RRM2: variants seen among roughly 807,000 people sequenced by gnomAD.
RRM2 encodes the protein ribonucleotide reductase regulatory subunit M2.
In RRM2, 6 loss-of-function variants were observed where a neutral mutation model predicts 45.9. The ratio of observed to expected loss-of-function variants is 0.13; its 90% CI spans 0.07 to 0.26. The LOEUF (loss-of-function observed/expected upper bound fraction) is 0.26. Among genes scored for constraint, RRM2 ranks in the 10% least tolerant of loss-of-function variants. The pLI is 1.00. For synonymous variants in RRM2, 177 were observed against 173.0 expected (o/e 1.02, Z -0.18); for missense variants, 343 against 489.5 (o/e 0.70, Z 2.82).
rs1410155677 is a variant in RRM2 at position 10,144,684 on chromosome 2, G to C, written n.482+2309G>C. Among the ~76,000 whole-genome samples the C allele has an allele frequency of 1.3e-5, 2 of 152,208 alleles. 1 individual carries two copies. Among genetic ancestry groups the C allele is most frequent in the African/African-American group, 4.8e-5 (2 of 41,454 alleles). On this transcript the variant is annotated intron_variant and non_coding_transcript_variant, in intron 3 of 3. Transcript: ENST00000381786. ...TCCTTTTGAACGGAAGGGCTCCGGA[G>C]ATATTTATATCTTTGCTTCTATAGA...
chr2:10,141,614 T>G (rs1176810072), exon 1 of RRM2: 3 of 550,506 alleles, frequency 5.4e-6, no homozygotes, highest in Non-Finnish European at 9.7e-6. Flanking sequence ...TGCATGTGCT[T>G]AAGGATTCCA....
At chr2:10,132,234 T>A (rs1202671441), downstream of RRM2, among the ~76,000 whole-genome samples, 1 of 152,250 alleles carries the variant, frequency 6.6e-6, no homozygotes, top group Non-Finnish European at 1.5e-5. Flanking sequence ...GTTTTCTACC[T>A]GCATTTTAAT....
At chr2:10,159,725 A>ATGGAGAC (rs1663516357) in intron 3 of RRM2, among the ~76,000 whole-genome samples, 1 of 152,290 alleles carries the variant, frequency 6.6e-6, no homozygotes, top group East Asian at 1.9e-4. Flanking sequence ...ACACACAGAG[A>ATGGAGAC]TGGAGACTGG....
chr2:10,143,161 C>T (rs1663119831), intron 3 of RRM2, among the ~76,000 whole-genome samples: 1 of 152,250 alleles, frequency 6.6e-6, no homozygotes, highest in Non-Finnish European at 1.5e-5. Flanking sequence ...GCGTGAGCCA[C>T]CATGCCTGGC....
intron 3 of RRM2, among the ~76,000 whole-genome samples, chr2:10,173,344 C>T (rs1663842907): frequency 1.3e-5 from 2 of 152,214 alleles, no homozygotes; most frequent in African/African-American, 4.8e-5. Flanking sequence ...CCCCCAATGG[C>T]ATCCCAAGAT....
intron 1 of RRM2, chr2:10,141,644 A>C: frequency 8.0e-6 from 5 of 621,580 alleles, no homozygotes; most frequent in South Asian, 2.0e-5. Context: ...GGAGGAGGGT[A>C]TGATTAGCTC....
chr2:10,128,469 T>C (rs897250938), intron 7 of RRM2, among the ~76,000 whole-genome samples: 1 of 152,262 alleles, frequency 6.6e-6, no homozygotes, highest in Non-Finnish European at 1.5e-5. Flanking sequence ...TTCCTGAGCA[T>C]CTAAAAACTA....
chr2:10,123,531 G>A lies in RRM2; in HGVS notation c.318+1G>A. 1 of 1,611,262 alleles carries A rather than the reference G, an allele frequency of 6.2e-7. No homozygotes were observed. On this transcript the variant is annotated splice_donor_variant, in intron 3 of 9. Coordinates refer to ENST00000304567, the MANE Select transcript of RRM2 (RefSeq NM_001034.4). LOFTEE classifies it high-confidence loss of function. ...GGCTTCCTTTTGGACCGCCGAGGAG[G>A]TAATCGGAGGACCCCAGAAGACCCC...
At chr2:10,210,307 T>A in intron 3 of RRM2, 7 of 1,364,436 alleles carry the variant, frequency 5.1e-6, no homozygotes, top group South Asian at 1.1e-5. Context: ...TCCTGTCCAA[T>A]CAGTCTTCCA....
intron 3 of RRM2, among the ~76,000 whole-genome samples, chr2:10,159,840 C>T (rs896747295): frequency 6.6e-6 from 1 of 152,202 alleles, no homozygotes; most frequent in Non-Finnish European, 1.5e-5. Context: ...GAGCCTGCCC[C>T]CCAGTTTCTC....
intron 3 of RRM2, among the ~76,000 whole-genome samples, chr2:10,147,967 A>G (rs1467242899): frequency 6.6e-6 from 1 of 151,964 alleles, no homozygotes; most frequent in Non-Finnish European, 1.5e-5. Context: ...CAACATGGTG[A>G]AACCCTGTCT....
chr2:10,137,804 G>T (rs889587328), upstream of RRM2, among the ~76,000 whole-genome samples: 1 of 152,154 alleles, frequency 6.6e-6, no homozygotes, highest in Non-Finnish European at 1.5e-5. Flanking sequence ...CTCTACTTCA[G>T]GGGGGTCTAG....
intron 3 of RRM2, among the ~76,000 whole-genome samples, chr2:10,165,958 T>C (rs1263175698): frequency 2.6e-5 from 4 of 152,136 alleles, no homozygotes; most frequent in African/African-American, 4.8e-5. Flanking sequence ...CTAGAAGCTC[T>C]GGGCAGCAGC....
intron 3 of RRM2, among the ~76,000 whole-genome samples, chr2:10,143,339 G>A (rs1663123659): frequency 6.6e-6 from 1 of 152,202 alleles, no homozygotes; most frequent in South Asian, 2.1e-4. Flanking sequence ...CCAGATTAGG[G>A]GCCTCCTCAG....
chr2:10,140,044 C>T (rs891651517), upstream of RRM2, among the ~76,000 whole-genome samples: 1 of 151,986 alleles, frequency 6.6e-6, no homozygotes, highest in Non-Finnish European at 1.5e-5. Context: ...GTCAGGAGAT[C>T]GAGACCATCC....
exon 4 of RRM2, chr2:10,210,387 G>T (rs376592690): frequency 1.5e-6 from 2 of 1,367,660 alleles, no homozygotes; most frequent in African/African-American, 2.9e-5. Flanking sequence ...GAGAGCCACC[G>T]TGGTGCTCAC....
chr2:10,167,035 ACT>A (rs1364053794), intron 3 of RRM2, among the ~76,000 whole-genome samples: 1 of 151,918 alleles, frequency 6.6e-6, no homozygotes, highest in Non-Finnish European at 1.5e-5. Flanking sequence ...ACGGCTAAGA[ACT>A]CTGCCTTCTG....
chr2:10,196,818 C>T (rs1664425469), intron 3 of RRM2, among the ~76,000 whole-genome samples: 1 of 152,206 alleles, frequency 6.6e-6, no homozygotes, highest in African/African-American at 2.4e-5. Context: ...GTGACTGATG[C>T]CAGGGCCTCA....
intron 3 of RRM2, chr2:10,198,576 G>A (rs1252275159): frequency 6.6e-6 from 1 of 151,970 alleles, no homozygotes; most frequent in African/African-American, 2.4e-5. Context: ...CTAATTTTTT[G>A]TATTTTTTTT....
Sources: allele counts gnomAD v4.1 joint callset (sites outside exome capture counted in the v4.1 genomes callset), GRCh38; gene constraint gnomAD v4.1.1; transcripts MANE v1.5; gene names NCBI Gene and HGNC (gene_info 2026-07-23, HGNC 2026-07-21).